The following EXOC6 variants were observed in gnomAD, a reference collection of about 807,000 sequenced individuals.
EXOC6 encodes exocyst complex component 6.
In EXOC6, 60 loss-of-function variants were observed where a neutral mutation model predicts 112.5. The observed-to-expected ratio is 0.53, with a 90% CI of 0.43 to 0.66. The LOEUF is 0.66. Among genes scored for constraint, EXOC6 ranks in the 30% least tolerant of loss-of-function variants. The probability of loss-of-function intolerance (pLI) is 0.00; values close to 1 mark genes in which losing one functional copy is unlikely to be tolerated. For missense variants in EXOC6, 855 were observed against 957.1 expected (o/e 0.89, Z 1.41); for synonymous variants, 295 against 308.0 (o/e 0.96, Z 0.44).
rs528006967 is a variant in EXOC6, at chr10:93,058,552, GA to G, written c.*204del. 3.0e-5 allele frequency: 12 copies of G among 395,672 alleles called. No homozygotes were observed. The highest frequency in any genetic ancestry group is 2.9e-4 in the East Asian group (7 of 24,368). 24.5% of individuals were successfully genotyped at this position (395,672 alleles called of 1,614,324 possible). A position where few individuals can be genotyped will look rare whatever the true frequency, so the allele number is the denominator to read the frequency against. ...ATAATCGAATACTATTTTATATATG[GA>G]AAAAAATGACCATTTTTTCACTTTT... On this transcript the variant is annotated 3_prime_UTR_variant, in exon 22 of 22. Coordinates refer to ENST00000260762, the MANE Select transcript of EXOC6 (RefSeq NM_019053.6).
chr10:92,861,022 T>C (rs918829509), intron 1 of EXOC6, among the ~76,000 whole-genome samples: 8 of 152,234 alleles, frequency 5.3e-5, no homozygotes, highest in African/African-American at 1.7e-4. Context: ...CTTTTCCTGG[T>C]TCTCTTGGGT....
intron 17 of EXOC6, among the ~76,000 whole-genome samples, chr10:92,973,690 T>C (rs1369306629): frequency 6.6e-6 from 1 of 152,234 alleles, no homozygotes; most frequent in Non-Finnish European, 1.5e-5. Context: ...TCTCAGTGAA[T>C]CAGGGGTTAG....
intron 1 of EXOC6, among the ~76,000 whole-genome samples, chr10:92,864,792 CT>C (rs1379077119): frequency 3.3e-5 from 5 of 152,062 alleles, no homozygotes; most frequent in African/African-American, 1.2e-4. Flanking sequence ...AGCAGCCCCC[CT>C]GGTTTGCAGG....
At position 92,909,630 on chromosome 10, in the gene EXOC6, A is replaced by G. The variant is rs143343347; in HGVS notation, c.662A>G (p.Gln221Arg). ...SDKIGETAMK[Q>R]AQHQKTFSVS... is the part of the protein sequence containing the mutation. ...AAAATAGGTGAAACAGCAATGAAAC[A>G]GGTGAGATTAAAAATAATTTTGATT... is the stretch of plus-strand genomic sequence containing the variant. The change falls in exon 6 of 22, where the codon CAG becomes CGG. Residue 221 changes from glutamine to arginine, a missense_variant and splice_region_variant. Physicochemically the swap from Gln to Arg is conservative, Grantham distance 43. Around this residue, in one of 2 missense-constraint regions of EXOC6, gnomAD observed 405 missense variants for 393.6 expected, o/e 1.03. Transcript: ENST00000260762. The G allele has an allele frequency of 2.5e-6, 4 of 1,576,720 alleles. No homozygotes were observed. The highest frequency in any genetic ancestry group is 3.5e-6 in the Non-Finnish European group (4 of 1,153,498).
chr10:92,965,764 G>T (rs962517653), intron 17 of EXOC6, among the ~76,000 whole-genome samples: 1 of 151,952 alleles, frequency 6.6e-6, no homozygotes, highest in African/African-American at 2.4e-5. Flanking sequence ...TCTTTAAAAA[G>T]AAAATATAGT....
At chr10:92,999,219 AC>A (rs2134184648) in intron 19 of EXOC6, 6 of 367,428 alleles carry the variant, frequency 1.6e-5, no homozygotes, top group South Asian at 3.8e-5. Flanking sequence ...TTTTTTTTTT[AC>A]AAGTTTTTTT....
chr10:92,838,158 A>C (rs961793737), intron 1 of EXOC6, among the ~76,000 whole-genome samples: 18 of 152,330 alleles, frequency 1.2e-4, no homozygotes, highest in African/African-American at 4.3e-4. Context: ...CTTCTTTTGC[A>C]GAGCATTCAA....
At chr10:92,871,055 C>T (rs961395884) in intron 1 of EXOC6, among the ~76,000 whole-genome samples, 6 of 152,110 alleles carry the variant, frequency 3.9e-5, no homozygotes, top group African/African-American at 1.4e-4. Context: ...CTGTGAAAAT[C>T]AATGGATCTG....
At chr10:92,896,067 A>ATGTGTGTATATATATGTGTATATATATG (rs58024012) in intron 4 of EXOC6, among the ~76,000 whole-genome samples, 7 of 54,198 alleles carry the variant, frequency 1.3e-4, no homozygotes, top group Non-Finnish European at 2.1e-4. Context: ...GTGTATATAT[A>ATGTGTGTATATATATGTGTATATATATG]TGTGTATATA....
chr10:92,874,271 T>C (rs905523504), intron 1 of EXOC6, among the ~76,000 whole-genome samples: 2 of 152,096 alleles, frequency 1.3e-5, no homozygotes, highest in African/African-American at 4.8e-5. Flanking sequence ...AAACTAAAAG[T>C]GTGTAAAATT....
At position 92,894,041 on chromosome 10, in the gene EXOC6, A is replaced by G. The variant is rs758116552; in HGVS notation, c.273+521A>G. On this transcript the variant is annotated intron_variant, in intron 2 of 21. Coordinates refer to ENST00000260762, the MANE Select transcript of EXOC6 (RefSeq NM_019053.6). ...TAGATTTGTTCAGTCAGGATAAAAA[A>G]TATTTAATTATAAGAATTGTCCTAT... Among the ~76,000 whole-genome samples, 37 of 152,198 alleles carry G rather than the reference A, an allele frequency of 2.4e-4. 1 individual carries two copies. The highest frequency in any genetic ancestry group is 3.7e-4 in the Non-Finnish European group (25 of 68,028).
intron 12 of EXOC6, among the ~76,000 whole-genome samples, chr10:92,940,411 A>G (rs1222745099): frequency 6.6e-6 from 1 of 152,158 alleles, no homozygotes; most frequent in East Asian, 1.9e-4. Context: ...AGACACTGTT[A>G]TGTAAAAACT....
chr10:92,915,385 A>G (rs1851020123), intron 6 of EXOC6, among the ~76,000 whole-genome samples: 1 of 151,876 alleles, frequency 6.6e-6, no homozygotes, highest in Non-Finnish European at 1.5e-5. Flanking sequence ...ACAAAAAAAT[A>G]CAAAAACAAA....
intron 20 of EXOC6, among the ~76,000 whole-genome samples, chr10:93,044,806 C>T (rs1185598303): frequency 2.0e-5 from 3 of 152,040 alleles, no homozygotes; most frequent in Admixed American, 2.0e-4. Context: ...GGCTTGAGTT[C>T]CATTTTAAAT....
At chr10:92,929,572 A>G (rs941262272) in intron 9 of EXOC6, among the ~76,000 whole-genome samples, 3 of 152,248 alleles carry the variant, frequency 2.0e-5, no homozygotes, top group African/African-American at 4.8e-5. Flanking sequence ...AGAGTATATA[A>G]TAGTGCTACT....
In EXOC6 at chr10:92,955,730, A is replaced by G; in HGVS notation, c.1773+16A>G. 1.3e-6 allele frequency: 2 copies of G among 1,598,542 alleles called. No individual in the cohort carries two copies. The highest frequency in any genetic ancestry group is 1.7e-6 in the Non-Finnish European group (2 of 1,174,912). ...TACTTTCAAGGTATGTAAAAATTTG[A>G]CCAAAAGTTTTCATTTCAGTCACTG... is the stretch of plus-strand genomic sequence containing the variant. On this transcript the variant is annotated intron_variant, in intron 17 of 21. Transcript: ENST00000260762.
intron 6 of EXOC6, among the ~76,000 whole-genome samples, chr10:92,911,644 A>AT (rs1417553419): frequency 6.6e-6 from 1 of 152,064 alleles, no homozygotes; most frequent in African/African-American, 2.4e-5. Context: ...GTCCACTATC[A>AT]TTTTTTCCTC....
chr10:93,056,283 A>T (rs955799206), intron 20 of EXOC6, among the ~76,000 whole-genome samples: 1 of 152,196 alleles, frequency 6.6e-6, no homozygotes, highest in African/African-American at 2.4e-5. Flanking sequence ...CACGGGAAAC[A>T]AGAGGGTTTC....
intron 1 of EXOC6, among the ~76,000 whole-genome samples, chr10:92,878,705 C>T (rs1215507224): frequency 6.6e-6 from 1 of 152,178 alleles, no homozygotes; most frequent in Admixed American, 6.5e-5. Context: ...CCTGACATTT[C>T]TGGTGGGTGG....
Sources: allele counts gnomAD v4.1 joint callset (sites outside exome capture counted in the v4.1 genomes callset), GRCh38; gene constraint gnomAD v4.1.1; regional missense constraint gnomAD v4.1.1; transcripts MANE v1.5; gene names NCBI Gene and HGNC (gene_info 2026-07-23, HGNC 2026-07-21).